ELOVL2: variants seen among roughly 807,000 people sequenced by gnomAD.
ELOVL2 encodes the protein ELOVL fatty acid elongase 2, also known as very long chain fatty acid elongase 2.
In ELOVL2, 38 loss-of-function variants were observed where a neutral mutation model predicts 37.7. That is an observed-to-expected ratio of 1.01 (90% confidence interval 0.78 to 1.32). The LOEUF is 1.32. ELOVL2 is among the 40% of genes most tolerant of loss of function. The pLI, the probability that ELOVL2 is intolerant of heterozygous loss-of-function variation, is 0.00. For missense variants in ELOVL2, 352 were observed against 363.6 expected, an observed-to-expected ratio of 0.97 and a Z score of 0.26; for synonymous variants, 115 against 122.3, an observed-to-expected ratio of 0.94 and a Z score of 0.40.
At chr6:11,020,290 C>T (rs1282183895) in intron 1 of ELOVL2, among the ~76,000 whole-genome samples, 1 of 151,946 alleles carries the variant, frequency 6.6e-6, no homozygotes, top group Non-Finnish European at 1.5e-5. Flanking sequence ...AAAGTATGAC[C>T]CTGTTTGAGA....
intron 4 of ELOVL2, among the ~76,000 whole-genome samples, chr6:10,997,468 AAAG>A (rs1375251870): frequency 1.3e-5 from 2 of 152,226 alleles, no homozygotes; most frequent in African/African-American, 2.4e-5. Flanking sequence ...ATCACGATCC[AAAG>A]AAGGTCCATC....
rs1265668879 is a variant in ELOVL2, at chr6:10,982,760, T to G, written c.*1021A>C. ...TCTTTTTCCTCCCAGCTTCAAAAAC[T>G]TAAATAACCTGTGAAGAGTGACAAC... On this transcript the variant is annotated 3_prime_UTR_variant, in exon 8 of 8. Coordinates refer to ENST00000354666, the MANE Select transcript of ELOVL2 (RefSeq NM_017770.4). The G allele has an allele frequency of 1.3e-5, 2 of 152,186 alleles. No individual in the cohort carries two copies. The highest frequency in any genetic ancestry group is 4.8e-5 in the African/African-American group (2 of 41,450). 9.4% of individuals were successfully genotyped at this position (152,186 alleles called of 1,614,324 possible).
intron 4 of ELOVL2, among the ~76,000 whole-genome samples, chr6:10,998,373 T>G (rs1782310281): frequency 6.6e-6 from 1 of 151,038 alleles, no homozygotes; most frequent in African/African-American, 2.5e-5. Context: ...AGAGAAGAAC[T>G]TTCCCTTTTC....
intron 1 of ELOVL2, among the ~76,000 whole-genome samples, chr6:11,012,731 AAG>A (rs888985842): frequency 6.6e-6 from 1 of 152,214 alleles, no homozygotes; most frequent in African/African-American, 2.4e-5. Context: ...GATGAATAAA[AAG>A]AGGCATTCCA....
chr6:10,980,937 G>C lies in ELOVL2; in HGVS notation c.*2844C>G, dbSNP rs1781922905. ...TATTTTCCAAACAAGGAAGCCCCCA[G>C]ACACATTTATGAACGATATGGAAAT... On this transcript the variant is annotated 3_prime_UTR_variant, in exon 8 of 8. Coordinates refer to ENST00000354666, the MANE Select transcript of ELOVL2 (RefSeq NM_017770.4). The C allele has an allele frequency of 6.6e-6, 1 of 152,494 alleles. No individual in the cohort carries two copies. Among genetic ancestry groups the C allele is most frequent in the South Asian group, 2.1e-4 (1 of 4,828 alleles). The allele number at this position is 152,494 out of a possible 1,614,324, so 9.4% of individuals were successfully genotyped here.
intron 6 of ELOVL2, 53 bp downstream of exon 6, chr6:10,990,265 C>T: frequency 2.5e-6 from 4 of 1,583,778 alleles, no homozygotes; most frequent in East Asian, 2.3e-5. Flanking sequence ...TTTCTATTTC[C>T]TTTCCCCATC....
chr6:11,012,426 T>G (rs1262445116), intron 1 of ELOVL2, among the ~76,000 whole-genome samples: 1 of 152,234 alleles, frequency 6.6e-6, no homozygotes, highest in Non-Finnish European at 1.5e-5. Context: ...TGGGGGCGGC[T>G]GACCAGAGGC....
chr6:10,994,177 AG>A, intron 5 of ELOVL2, among the ~76,000 whole-genome samples: 1 of 151,838 alleles, frequency 6.6e-6, no homozygotes, highest in Non-Finnish European at 1.5e-5. Context: ...AAATAAAAAA[AG>A]AAGAAGGGCC....
At position 10,982,795 on chromosome 6, in the gene ELOVL2, A is replaced by G. The variant is rs926259110; in HGVS notation, c.*986T>C. On this transcript the variant is annotated 3_prime_UTR_variant, in exon 8 of 8. Transcript: ENST00000354666. ...TGTGAAGAGTGACAACAGGTATCTG[A>G]GGTAATATTCACAAGTAGGCTCACA... 6.6e-6 allele frequency: 1 copy of G among 152,204 alleles called. No individual in the cohort carries two copies. The highest frequency in any genetic ancestry group is 1.9e-4 in the East Asian group (1 of 5,202). The allele number at this position is 152,204 out of a possible 1,614,324, so 9.4% of individuals were successfully genotyped here. A position where few individuals can be genotyped will look rare whatever the true frequency, so the allele number is the denominator to read the frequency against.
intron 3 of ELOVL2, 118 bp downstream of exon 3, chr6:11,005,254 G>A (rs780692400): frequency 1.2e-6 from 1 of 815,984 alleles, no homozygotes; most frequent in Non-Finnish European, 1.9e-6. Flanking sequence ...TCAAATGCTG[G>A]AATAAGTTTT....
At chr6:10,999,659 C>T (rs957019478) in intron 4 of ELOVL2, among the ~76,000 whole-genome samples, 11 of 152,320 alleles carry the variant, frequency 7.2e-5, no homozygotes, top group Middle Eastern at 3.4e-3. Flanking sequence ...CAGGCGTGAG[C>T]CACCATGCCC....
In ELOVL2 at chr6:11,020,622, A is replaced by G. The variant is rs146877149; in HGVS notation, c.4-9813T>C. Among the ~76,000 whole-genome samples the G allele has an allele frequency of 3.6e-3, 543 of 152,290 alleles. 2 individuals are homozygous for G. Among genetic ancestry groups the G allele is most frequent in the African/African-American group, 0.013 (522 of 41,558 alleles). ...TGCTAACATACCTCAGAGGAATAAG[A>G]TGACTCCAACCCCACAGTAAGAGAA... On this transcript the variant is annotated intron_variant, in intron 1 of 7. Transcript: ENST00000354666.
chr6:11,012,437 C>T (rs1782601046), intron 1 of ELOVL2, among the ~76,000 whole-genome samples: 1 of 152,160 alleles, frequency 6.6e-6, no homozygotes, highest in South Asian at 2.1e-4. Flanking sequence ...GACCAGAGGC[C>T]TCTCAGTCTT....
At chr6:11,041,449 T>C (rs898166168) in intron 1 of ELOVL2, among the ~76,000 whole-genome samples, 1 of 152,170 alleles carries the variant, frequency 6.6e-6, no homozygotes. Flanking sequence ...TAAAAATTGA[T>C]TTTTTACTCC....
At chr6:11,030,462 G>A (rs562391336) in intron 1 of ELOVL2, among the ~76,000 whole-genome samples, 52 of 152,120 alleles carry the variant, frequency 3.4e-4, no homozygotes, top group African/African-American at 1.1e-3. Flanking sequence ...TGTTAAAATT[G>A]TGTCATATTT....
chr6:10,992,786 C>CAAAA (rs780478493), intron 5 of ELOVL2, among the ~76,000 whole-genome samples: 1 of 90,672 alleles, frequency 1.1e-5, no homozygotes, highest in African/African-American at 4.3e-5. Flanking sequence ...GACTCCATCT[C>CAAAA]AAAAAAAACA....
chr6:10,991,812 C>A (rs1271061086), intron 5 of ELOVL2, among the ~76,000 whole-genome samples: 2 of 152,166 alleles, frequency 1.3e-5, no homozygotes, highest in Non-Finnish European at 2.9e-5. Flanking sequence ...AATTAATGAA[C>A]CATGAGTAGT....
rs1473268185 is a variant in ELOVL2 at position 10,983,487 on chromosome 6, G to A, written c.*294C>T. The A allele has an allele frequency of 3.4e-5, 8 of 232,894 alleles. No individual in the cohort carries two copies. In the East Asian group the frequency reaches 6.6e-4, roughly 19 times the overall value. The allele number at this position is 232,894 out of a possible 1,614,324, so 14.4% of individuals were successfully genotyped here. On this transcript the variant is annotated 3_prime_UTR_variant, in exon 8 of 8. Transcript: ENST00000354666. Reference sequence around the variant, plus strand: ...CTCCACGTTTCCTGGCTGTGTATGCGTATAAGGCGTTATAAGGACAGCTTC... The same window carrying A: ...CTCCACGTTTCCTGGCTGTGTATGCATATAAGGCGTTATAAGGACAGCTTC...
At chr6:11,004,841 A>G (rs1255545829) in intron 3 of ELOVL2, among the ~76,000 whole-genome samples, 1 of 152,186 alleles carries the variant, frequency 6.6e-6, no homozygotes, top group Admixed American at 6.5e-5. Context: ...GTGAATCTAA[A>G]TTATAATTAG....
Sources: allele counts gnomAD v4.1 joint callset (sites outside exome capture counted in the v4.1 genomes callset), GRCh38; gene constraint gnomAD v4.1.1; transcripts MANE v1.5; gene names NCBI Gene and HGNC (gene_info 2026-07-23, HGNC 2026-07-21).